Variants in C9orf85 observed in about 807,000 individuals in gnomAD.
The protein encoded by C9orf85 is chromosome 9 open reading frame 85, also known as uncharacterized protein C9orf85.
C9orf85 carries 16 observed loss-of-function variants against 14.9 expected under a neutral mutation model. The ratio of observed to expected loss-of-function variants is 1.08; its 90% CI spans 0.73 to 1.63. The LOEUF (loss-of-function observed/expected upper bound fraction) is 1.63, where lower values mean the gene tolerates loss of function less well. C9orf85 is among the 40% of genes most tolerant of loss of function. The pLI, the probability that C9orf85 is intolerant of heterozygous loss-of-function variation, is 0.00. For missense variants in C9orf85, 172 were observed against 186.1 expected (o/e 0.92, Z 0.44); for synonymous variants, 45 against 56.8 (o/e 0.79, Z 0.93).
downstream of C9orf85, among the ~76,000 whole-genome samples, chr9:71,977,705 A>G (rs1052578449): frequency 6.6e-6 from 1 of 152,102 alleles, no homozygotes; most frequent in Non-Finnish European, 1.5e-5. Context: ...TCCTTGTAAC[A>G]TTAATCCTGT....
chr9:71,962,222 A>G (rs1822539057), intron 2 of C9orf85, among the ~76,000 whole-genome samples: 1 of 152,352 alleles, frequency 6.6e-6, no homozygotes, highest in Non-Finnish European at 1.5e-5. Flanking sequence ...AAGACAAGGT[A>G]GTATATATAG....
intron 2 of C9orf85, among the ~76,000 whole-genome samples, chr9:71,951,868 C>T (rs145965530): frequency 1.3e-5 from 2 of 151,612 alleles, no homozygotes; most frequent in East Asian, 3.9e-4. Context: ...ATAAAACAAT[C>T]CCAGTCAGTA....
intron 1 of C9orf85, among the ~76,000 whole-genome samples, chr9:71,945,929 A>G (rs1822076005): frequency 6.6e-6 from 1 of 152,242 alleles, no homozygotes; most frequent in African/African-American, 2.4e-5. Context: ...GTGAAAATAT[A>G]TAGTCTGTGT....
intron 2 of C9orf85, among the ~76,000 whole-genome samples, chr9:71,953,379 A>G (rs1256794191): frequency 6.6e-6 from 1 of 152,216 alleles, no homozygotes; most frequent in Admixed American, 6.5e-5. Context: ...AAGGGAGCCC[A>G]GACCTTACAA....
intron 2 of C9orf85, among the ~76,000 whole-genome samples, chr9:71,959,298 C>T (rs557997201): frequency 5.9e-5 from 9 of 151,956 alleles, no homozygotes; most frequent in Non-Finnish European, 7.4e-5. Context: ...CCACCATGCC[C>T]GGCTAATTTT....
chr9:71,932,889 A>G (rs965403707), intron 1 of C9orf85, among the ~76,000 whole-genome samples: 1 of 152,280 alleles, frequency 6.6e-6, no homozygotes, highest in Non-Finnish European at 1.5e-5. Flanking sequence ...AGAAAATGAT[A>G]TATGAATAAA....
intron 1 of C9orf85, among the ~76,000 whole-genome samples, chr9:71,931,150 G>C (rs1438906273): frequency 6.6e-6 from 1 of 152,186 alleles, no homozygotes; most frequent in African/African-American, 2.4e-5. Context: ...TCTGAATTAA[G>C]GGACTTTAGT....
chr9:71,945,846 C>T (rs958597639), intron 1 of C9orf85, among the ~76,000 whole-genome samples: 1 of 150,980 alleles, frequency 6.6e-6, no homozygotes, highest in African/African-American at 2.4e-5. Flanking sequence ...ATGTCTTCTG[C>T]TCATTATTCC....
At chr9:71,912,971 C>T (rs1476817410) in intron 1 of C9orf85, among the ~76,000 whole-genome samples, 1 of 152,100 alleles carries the variant, frequency 6.6e-6, no homozygotes, top group East Asian at 1.9e-4. Context: ...TCATTGACAA[C>T]AGGGGCATAT....
chr9:71,936,620 C>T (rs1348283417), intron 1 of C9orf85, among the ~76,000 whole-genome samples: 2 of 152,084 alleles, frequency 1.3e-5, no homozygotes, highest in African/African-American at 4.8e-5. Flanking sequence ...ACGAGTGACT[C>T]ATAGTTAATA....
At chr9:71,914,273 T>A (rs1827589032) in intron 1 of C9orf85, among the ~76,000 whole-genome samples, 1 of 152,172 alleles carries the variant, frequency 6.6e-6, no homozygotes, top group African/African-American at 2.4e-5. Context: ...CGTCTTTGAA[T>A]GCAACCCAAC....
chr9:71,972,265 T>C (rs865852594), intron 3 of C9orf85, among the ~76,000 whole-genome samples: 1 of 146,680 alleles, frequency 6.8e-6, no homozygotes, highest in African/African-American at 2.5e-5. Flanking sequence ...CGTTCAATGA[T>C]TTTTTTTTTT....
intron 2 of C9orf85, among the ~76,000 whole-genome samples, chr9:71,963,691 C>T (rs1822595163): frequency 6.6e-6 from 1 of 152,224 alleles, no homozygotes; most frequent in South Asian, 2.1e-4. Flanking sequence ...AGGCCAGCGG[C>T]TGCAGAGGGT....
chr9:71,921,658 C>A (rs1160110234), intron 1 of C9orf85, among the ~76,000 whole-genome samples: 2 of 152,222 alleles, frequency 1.3e-5, no homozygotes. Context: ...GAGACTGAGT[C>A]ATGGGCCATG....
chr9:71,913,096 T>G (rs1335775856), intron 1 of C9orf85, among the ~76,000 whole-genome samples: 1 of 152,106 alleles, frequency 6.6e-6, no homozygotes, highest in Non-Finnish European at 1.5e-5. Context: ...GAGCCTTACT[T>G]TGGTCTCAAA....
At chr9:71,975,800 C>G (rs1392886127), downstream of C9orf85, among the ~76,000 whole-genome samples, 1 of 152,154 alleles carries the variant, frequency 6.6e-6, no homozygotes, top group Non-Finnish European at 1.5e-5. Context: ...CTATTGCACT[C>G]CAGCCTGGGG....
chr9:71,911,891 A>G, intron 1 of C9orf85, 55 bp downstream of exon 1: 1 of 1,493,244 alleles, frequency 6.7e-7, no homozygotes, highest in Non-Finnish European at 9.3e-7. Flanking sequence ...GGCTCACTGG[A>G]GAGGGGAGAG....
intron 1 of C9orf85, among the ~76,000 whole-genome samples, chr9:71,930,156 A>C (rs1373141609): frequency 2.0e-5 from 3 of 152,094 alleles, no homozygotes; most frequent in African/African-American, 7.2e-5. Context: ...TTTGTAGATA[A>C]ATAATTCTTC....
At chr9:71,985,316 T>A (rs1369934898), downstream of C9orf85, 1 of 152,234 alleles carries the variant, frequency 6.6e-6, no homozygotes, top group Non-Finnish European at 1.5e-5. Flanking sequence ...ACTATCTGAC[T>A]CCATGACTCC....
Sources: allele counts gnomAD v4.1 joint callset (sites outside exome capture counted in the v4.1 genomes callset), GRCh38; gene constraint gnomAD v4.1.1; transcripts MANE v1.5; gene names NCBI Gene and HGNC (gene_info 2026-07-23, HGNC 2026-07-21).